CDH8: variants seen among roughly 807,000 people sequenced by gnomAD.
The protein encoded by CDH8 is cadherin 8.
In CDH8, 17 loss-of-function variants were observed where a neutral mutation model predicts 68.1. The ratio of observed to expected loss-of-function variants is 0.25; its 90% CI spans 0.17 to 0.37. CDH8 has a LOEUF of 0.37. Ranked by LOEUF, CDH8 falls within the 10% of genes least tolerant of loss-of-function variation. The probability of loss-of-function intolerance (pLI) is 1.00; values close to 1 mark genes in which losing one functional copy is unlikely to be tolerated. For missense variants in CDH8, 763 were observed against 999.3 expected (o/e 0.76, Z 3.19); for synonymous variants, 372 against 365.1 (o/e 1.02, Z -0.21).
At chr16:61,952,099 G>T (rs1964907582) in intron 2 of CDH8, among the ~76,000 whole-genome samples, 1 of 152,078 alleles carries the variant, frequency 6.6e-6, no homozygotes. Context: ...TTGACTAATT[G>T]TCTGTTAAAA....
chr16:61,974,645 C>T (rs967879899), intron 2 of CDH8, among the ~76,000 whole-genome samples: 14 of 152,140 alleles, frequency 9.2e-5, no homozygotes, highest in African/African-American at 3.4e-4. Flanking sequence ...AACTAGATAG[C>T]ATAGAAAATA....
intron 2 of CDH8, among the ~76,000 whole-genome samples, chr16:61,947,967 G>A (rs1289353437): frequency 6.6e-6 from 1 of 152,092 alleles, no homozygotes; most frequent in African/African-American, 2.4e-5. Flanking sequence ...CCAGTAACGT[G>A]CCATTCACAG....
chr16:61,759,575 A>G (rs1960412740), intron 8 of CDH8, among the ~76,000 whole-genome samples: 1 of 152,128 alleles, frequency 6.6e-6, no homozygotes. Flanking sequence ...ACATGTGCCA[A>G]AATGATTCCA....
At chr16:61,774,527 A>C (rs1174980810) in intron 8 of CDH8, among the ~76,000 whole-genome samples, 1 of 151,456 alleles carries the variant, frequency 6.6e-6, no homozygotes, top group African/African-American at 2.4e-5. Context: ...TCTGCATGGG[A>C]TTTTTAACAA....
At chr16:61,732,364 T>C (rs1959561458) in intron 8 of CDH8, among the ~76,000 whole-genome samples, 1 of 150,928 alleles carries the variant, frequency 6.6e-6, no homozygotes, top group Admixed American at 6.6e-5. Context: ...CAGCGGGAGG[T>C]GAACAAACAA....
chr16:61,844,401 G>T (rs1246971867), intron 4 of CDH8, among the ~76,000 whole-genome samples: 5 of 151,960 alleles, frequency 3.3e-5, no homozygotes, highest in Non-Finnish European at 7.4e-5. Context: ...TGCACGTTGT[G>T]CACATGTACC....
chr16:61,875,333 G>C (rs891112836), intron 3 of CDH8, among the ~76,000 whole-genome samples: 10 of 152,088 alleles, frequency 6.6e-5, no homozygotes, highest in Non-Finnish European at 1.5e-4. Context: ...CACTAAGCAA[G>C]TGGTTTTCCA....
At chr16:61,931,781 C>T (rs1964543343) in intron 2 of CDH8, among the ~76,000 whole-genome samples, 1 of 152,136 alleles carries the variant, frequency 6.6e-6, no homozygotes, top group Admixed American at 6.6e-5. Context: ...ACCCTTAAAA[C>T]ATCTATAATA....
chr16:61,858,386 C>T (rs1963088778), intron 3 of CDH8, among the ~76,000 whole-genome samples: 1 of 152,144 alleles, frequency 6.6e-6, no homozygotes, highest in Non-Finnish European at 1.5e-5. Flanking sequence ...GTTCTGGGAA[C>T]TCCTGAAAAT....
intron 2 of CDH8, among the ~76,000 whole-genome samples, chr16:61,944,780 A>G (rs62052038): frequency 0.34 from 51,761 of 152,008 alleles, 9,436 homozygotes; most frequent in African/African-American, 0.45. Flanking sequence ...TATCTCCAAA[A>G]TAAATAAATA....
At chr16:61,762,175 T>C (rs1388774868) in intron 8 of CDH8, among the ~76,000 whole-genome samples, 2 of 152,144 alleles carry the variant, frequency 1.3e-5, no homozygotes, top group African/African-American at 4.8e-5. Flanking sequence ...AACTTACACA[T>C]GTGGTAAAAT....
intron 2 of CDH8, among the ~76,000 whole-genome samples, chr16:62,005,931 A>C (rs1965967497): frequency 6.6e-6 from 1 of 152,172 alleles, no homozygotes; most frequent in Non-Finnish European, 1.5e-5. Context: ...CTGCACTGGC[A>C]TGCTGCAAGA....
At chr16:62,030,904 G>C (rs1331468108) in intron 1 of CDH8, among the ~76,000 whole-genome samples, 2 of 152,048 alleles carry the variant, frequency 1.3e-5, no homozygotes, top group African/African-American at 4.8e-5. Context: ...AATTGTCTTT[G>C]AAAACACCCA....
intron 10 of CDH8, among the ~76,000 whole-genome samples, chr16:61,680,564 T>G (rs1165578974): frequency 1.3e-5 from 2 of 149,778 alleles, no homozygotes; most frequent in Non-Finnish European, 3.0e-5. Flanking sequence ...AACTTGTGGA[T>G]GAGAACAAGG....
At chr16:61,909,470 A>G (rs927233164) in intron 2 of CDH8, among the ~76,000 whole-genome samples, 3 of 152,198 alleles carry the variant, frequency 2.0e-5, no homozygotes, top group African/African-American at 7.2e-5. Context: ...TCCATAAGAC[A>G]TATCTCAATA....
chr16:61,802,333 G>C (rs1485006163), intron 7 of CDH8, among the ~76,000 whole-genome samples: 7 of 50,080 alleles, frequency 1.4e-4, no homozygotes, highest in Admixed American at 6.7e-4. Flanking sequence ...CATCATCAAA[G>C]ACCAAAAGTA....
intron 4 of CDH8, among the ~76,000 whole-genome samples, chr16:61,852,952 T>C (rs1336144006): frequency 6.6e-6 from 1 of 151,378 alleles, no homozygotes; most frequent in Non-Finnish European, 1.5e-5. Context: ...CTTCACTACT[T>C]ACTGAAGGAC....
chr16:61,697,544 A>G (rs559278762), intron 10 of CDH8, among the ~76,000 whole-genome samples: 4 of 150,938 alleles, frequency 2.7e-5, no homozygotes, highest in African/African-American at 9.7e-5. Context: ...CCCAGACTGG[A>G]GTACAGTGGT....
intron 8 of CDH8, among the ~76,000 whole-genome samples, chr16:61,787,946 G>GT (rs1961270691): frequency 8.1e-6 from 1 of 124,106 alleles, no homozygotes; most frequent in South Asian, 3.2e-4. Context: ...TGTGGTGGGG[G>GT]GGGCGGGGGG....
Sources: gnomAD v4.1 joint callset for allele counts (sites outside exome capture counted in the v4.1 genomes callset) on GRCh38, gnomAD v4.1.1 for gene constraint, MANE v1.5 for transcripts, NCBI Gene and HGNC (gene_info 2026-07-23, HGNC 2026-07-21) for gene names.